ATP2B3: variants seen among roughly 807,000 people sequenced by gnomAD.
ATP2B3 encodes the protein ATPase plasma membrane Ca2+ transporting 3, also known as plasma membrane calcium-transporting ATPase 3.
ATP2B3 carries 12 observed loss-of-function variants against 70.8 expected under a neutral mutation model. That is an observed-to-expected ratio of 0.17 (90% CI 0.11 to 0.27). The LOEUF (loss-of-function observed/expected upper bound fraction) is 0.27. Among genes scored for constraint, ATP2B3 ranks in the 10% least tolerant of loss-of-function variants. ATP2B3 has a pLI of 1.00. For synonymous variants in ATP2B3, 460 were observed against 497.8 expected, an observed-to-expected ratio of 0.92 and a Z score of 1.01; for missense variants, 858 against 1,118.5, an observed-to-expected ratio of 0.77 and a Z score of 3.32.
chrX:153,559,806 G>C lies in ATP2B3; in HGVS notation c.2703G>C (p.Thr901=). The C allele has an allele frequency of 8.3e-7, 1 of 1,211,959 alleles. No individual in the cohort carries two copies. Among genetic ancestry groups the C allele is most frequent in the Non-Finnish European group, 1.1e-6 (1 of 895,543 alleles). The change falls in exon 18 of 22, where the codon ACG becomes ACC. Residue 901 remains threonine, a synonymous_variant. Transcript: ENST00000263519. ...CATTTGCCTCTCTGGCCCTGGCGAC[G>C]GAGCCACCCACAGAGTCGCTGCTGC... is the stretch of plus-strand genomic sequence containing the variant. ...MDTFASLALA[T]EPPTESLLLR... is the part of the protein sequence containing the mutation.
At chrX:153,565,187 G>A (rs782231078) in intron 21 of ATP2B3, 84 bp downstream of exon 21, 35 of 1,041,380 alleles carry the variant, frequency 3.4e-5, no homozygotes, top group South Asian at 2.7e-4. Context: ...AGAGCCGGCC[G>A]TCTGCACCCG....
Position 153,564,966 on chromosome X carries a change from G to A in ATP2B3, c.3205G>A (p.Ala1069Thr), listed in dbSNP as rs2124513887. The change falls in exon 21 of 22, where the codon GCC (alanine) becomes ACC (threonine). Residue 1069 changes from alanine (A) to threonine (T), a missense_variant. Physicochemically the swap from Ala to Thr is moderately conservative, Grantham distance 58 (BLOSUM62 0). Around this residue, in one of 5 missense-constraint regions of ATP2B3, gnomAD observed 265 missense variants for 305.3 expected, o/e 0.87. Coordinates refer to ENST00000263519, the MANE Select transcript of ATP2B3 (RefSeq NM_001001344.3). Reference protein sequence around the residue: ...PTSQLKCLKEAGHGPGKDEMT... With the variant: ...PTSQLKCLKETGHGPGKDEMT... ...CAGCCAGCTCAAGTGCCTGAAGGAA[G>A]CCGGGCACGGGCCCGGGAAGGACGA... 8.3e-7 allele frequency: 1 copy of A among 1,198,963 alleles called. No homozygotes were observed. The highest frequency in any genetic ancestry group is 3.0e-5 in the East Asian group (1 of 33,267).
intron 2 of ATP2B3, among the ~76,000 whole-genome samples, chrX:153,527,838 G>A (rs782490619): frequency 1.8e-4 from 20 of 112,772 alleles, no homozygotes; most frequent in African/African-American, 6.4e-4. Context: ...GACAAGCCTC[G>A]GGAGGGGAGC....
intron 20 of ATP2B3, among the ~76,000 whole-genome samples, chrX:153,564,084 C>T (rs1557017266): frequency 8.9e-6 from 1 of 112,264 alleles, no homozygotes; most frequent in Non-Finnish European, 1.9e-5. Flanking sequence ...CTTATCCAGT[C>T]ACCCTTTCCA....
intron 2 of ATP2B3, among the ~76,000 whole-genome samples, chrX:153,523,224 C>T (rs1042719143): frequency 1.6e-4 from 18 of 112,399 alleles, no homozygotes; most frequent in African/African-American, 5.2e-4. Context: ...AAAGAATGAT[C>T]TTGAACCATG....
intron 2 of ATP2B3, among the ~76,000 whole-genome samples, chrX:153,534,794 G>A (rs1269956694): frequency 4.4e-5 from 5 of 113,273 alleles, no homozygotes; most frequent in South Asian, 7.2e-4. Flanking sequence ...AGGTGCCCAC[G>A]CTTTTCAAAC....
intron 2 of ATP2B3, among the ~76,000 whole-genome samples, chrX:153,522,119 G>A (rs2089967154): frequency 8.9e-6 from 1 of 112,609 alleles, no homozygotes; most frequent in Admixed American, 9.3e-5. Context: ...AAAGTGCCAG[G>A]CTGGGCTTGA....
rs782293771 is a variant in ATP2B3, at chrX:153,560,840, A to G, written c.3004A>G (p.Ser1002Gly). 1 of 1,210,268 alleles carries G rather than the reference A, an allele frequency of 8.3e-7. No homozygotes were observed. Among genetic ancestry groups the G allele is most frequent in the African/African-American group, 1.7e-5 (1 of 57,213 alleles). Residue 1002 changes from serine (S) to glycine (G), a missense_variant, in exon 19 of 22, where the codon AGC (serine) becomes GGC (glycine). By Grantham distance (56) the Ser-to-Gly change is moderately conservative. Transcript: ENST00000263519. The stretch of plus-strand genomic sequence containing the variant: ...GAGGAACGTGTTCGACGGCATCTTC[A>G]GCAACCCCATCTTCTGCACCATCGT... The part of the protein sequence containing the change: ...GERNVFDGIF[S>G]NPIFCTIVLG...
intron 21 of ATP2B3, among the ~76,000 whole-genome samples, chrX:153,568,702 G>A (rs4898421): frequency 0.34 from 37,783 of 111,118 alleles, 5,459 homozygotes; most frequent in East Asian, 0.48. Context: ...CTGAAGTGGC[G>A]TACATCCTCA....
At chrX:153,534,686 G>A (rs2090164359) in intron 2 of ATP2B3, among the ~76,000 whole-genome samples, 1 of 113,295 alleles carries the variant, frequency 8.8e-6, no homozygotes, top group Non-Finnish European at 1.9e-5. Flanking sequence ...GAGAGGTGGG[G>A]AGAGAGGACG....
chrX:153,520,256 G>A (rs1438348103), intron 2 of ATP2B3, among the ~76,000 whole-genome samples: 3 of 112,764 alleles, frequency 2.7e-5, no homozygotes. Flanking sequence ...ATGTCTTGTG[G>A]AAAGGGGCGC....
intron 12 of ATP2B3, among the ~76,000 whole-genome samples, chrX:153,552,124 C>T (rs2090467144): frequency 8.9e-6 from 1 of 112,436 alleles, no homozygotes; most frequent in Non-Finnish European, 1.9e-5. Flanking sequence ...CCTCAGCCCT[C>T]TTTCTGTGCT....
At chrX:153,528,602 A>G (rs1353797358) in intron 2 of ATP2B3, among the ~76,000 whole-genome samples, 6 of 111,347 alleles carry the variant, frequency 5.4e-5, no homozygotes, top group Non-Finnish European at 9.4e-5. Flanking sequence ...GAGACCCAGC[A>G]TAACAGTGGC....
intron 2 of ATP2B3, among the ~76,000 whole-genome samples, chrX:153,519,726 A>G (rs373010542): frequency 3.5e-5 from 4 of 112,710 alleles, no homozygotes; most frequent in African/African-American, 1.3e-4. Context: ...GCCAGTCTCC[A>G]TCAGCTCCAC....
At position 153,547,930 on chromosome X, in the gene ATP2B3, G is replaced by A. The variant is rs782779816; in HGVS notation, c.1054G>A (p.Ala352Thr). 35 of 1,209,771 alleles carry A rather than the reference G, an allele frequency of 2.9e-5. No individual in the cohort carries two copies. In the Admixed American group the frequency reaches 5.7e-4, roughly 20 times the overall value. ...MEEREKKKAN[A>T]PKKEKSVLQG... ...GGAGCGGGAGAAGAAGAAAGCCAACGCACCCAAAAAGGAGAAGTCTGTCCT... is the reference window on the plus strand; with the variant it reads ...GGAGCGGGAGAAGAAGAAAGCCAACACACCCAAAAAGGAGAAGTCTGTCCT... Residue 352 changes from alanine (A) to threonine (T), a missense_variant, in exon 9 of 22, where the codon GCA (alanine) becomes ACA (threonine). By Grantham distance (58) the Ala-to-Thr change is moderately conservative. Coordinates refer to ENST00000263519, the MANE Select transcript of ATP2B3 (RefSeq NM_001001344.3).
At position 153,580,250 on chromosome X, in the gene ATP2B3, T is replaced by A; in HGVS notation, c.3615T>A (p.Phe1205Leu). 1 of 1,210,217 alleles carries A rather than the reference T, an allele frequency of 8.3e-7. No homozygotes were observed. Among genetic ancestry groups the A allele is most frequent in the Non-Finnish European group, 1.1e-6 (1 of 894,872 alleles). ...CCAAGTCAGCTACCTCTTCAGTGTT[T>A]TCCTCCAGTCCCGGGAGCCCGCTCC... ...HVTKSATSSV[F>L]SSSPGSPLHS... Residue 1205 changes from phenylalanine to leucine, a missense_variant, in exon 22 of 22, where the codon TTT (phenylalanine) becomes TTA (leucine). By Grantham distance (22) the Phe-to-Leu change is conservative (BLOSUM62 0). Coordinates refer to ENST00000263519, the MANE Select transcript of ATP2B3 (RefSeq NM_001001344.3).
rs936202640 is a variant in ATP2B3, at chrX:153,527,169, G to A, written c.-127+8618G>A. ...TTGGAAGCGGGCTGGGACGGGCACC[G>A]AGGTACCACAGCAGAGCCGGGCCGA... On this transcript the variant is annotated intron_variant, in intron 2 of 21. Coordinates refer to ENST00000263519, the MANE Select transcript of ATP2B3 (RefSeq NM_001001344.3). Among the ~76,000 whole-genome samples the A allele has an allele frequency of 8.9e-5, 10 of 112,794 alleles. No individual in the cohort carries two copies. In the South Asian group the frequency reaches 1.1e-3, roughly 12 times the overall value.
Position 153,559,901 on chromosome X carries a change from C to T in ATP2B3, c.2798C>T (p.Ala933Val), listed in dbSNP as rs2090598376. Reference sequence around the variant, plus strand: ...ATGATGAAGAACATTCTGGGCCACGCCGTGTACCAGCTCGCCATCATCTTC... The same window carrying T: ...ATGATGAAGAACATTCTGGGCCACGTCGTGTACCAGCTCGCCATCATCTTC... ...RTMMKNILGH[A>V]VYQLAIIFTL... Residue 933 changes from alanine (A) to valine (V), a missense_variant, in exon 18 of 22, where the codon GCC becomes GTC. Transcript: ENST00000263519. The T allele has an allele frequency of 9.1e-6, 11 of 1,211,871 alleles. No homozygotes were observed. Among genetic ancestry groups the T allele is most frequent in the Non-Finnish European group, 1.1e-5 (10 of 895,358 alleles).
At chrX:153,520,865 G>A (rs782468355) in intron 2 of ATP2B3, among the ~76,000 whole-genome samples, 3 of 112,577 alleles carry the variant, frequency 2.7e-5, no homozygotes, top group Non-Finnish European at 3.8e-5. Context: ...GGCTGAAGCC[G>A]GGGATTCTTG....
Sources: allele counts gnomAD v4.1 joint callset (sites outside exome capture counted in the v4.1 genomes callset), GRCh38; gene constraint gnomAD v4.1.1; regional missense constraint gnomAD v4.1.1; transcripts MANE v1.5; gene names NCBI Gene and HGNC (gene_info 2026-07-23, HGNC 2026-07-21).